PKHD1L1: variants seen among roughly 807,000 people sequenced by gnomAD.
PKHD1L1 encodes PKHD1 like 1.
PKHD1L1 carries 434 observed loss-of-function variants against 462.9 expected under a neutral mutation model. The ratio of observed to expected loss-of-function variants is 0.94; its 90% CI spans 0.87 to 1.02. The LOEUF (loss-of-function observed/expected upper bound fraction) is 1.02. PKHD1L1 is among the 50% of genes least tolerant of loss of function. The pLI is 0.00. For synonymous variants in PKHD1L1, 1,781 were observed against 1,750.0 expected (o/e 1.02, Z -0.44); for missense variants, 5,202 against 5,096.1 (o/e 1.02, Z -0.63).
At chr8:109,498,069 T>G (rs1484803130) in intron 65 of PKHD1L1, among the ~76,000 whole-genome samples, 1 of 151,718 alleles carries the variant, frequency 6.6e-6, no homozygotes, top group African/African-American at 2.4e-5. Flanking sequence ...AATTTAGTAC[T>G]ATTCATTATC....
intron 47 of PKHD1L1, 70 bp from the exon 48 acceptor site, chr8:109,461,702 T>C: frequency 6.7e-7 from 1 of 1,481,820 alleles, no homozygotes. Flanking sequence ...TACACTTAGT[T>C]ATGAGAAAAT....
chr8:109,477,148 C>A, intron 52 of PKHD1L1, 77 bp from the exon 53 acceptor site: 2 of 1,483,436 alleles, frequency 1.3e-6, no homozygotes, highest in Non-Finnish European at 1.8e-6. Context: ...GAACATTTTC[C>A]AAAATTCCAT....
At chr8:109,394,170 CAAAAAAA>C (rs146708536) in intron 9 of PKHD1L1, among the ~76,000 whole-genome samples, 79 of 63,708 alleles carry the variant, frequency 1.2e-3, no homozygotes, top group South Asian at 2.7e-3. Flanking sequence ...GAGACTCTGT[CAAAAAAA>C]AAAAAAAAAA....
intron 76 of PKHD1L1, 58 bp downstream of exon 76, chr8:109,523,444 G>A (rs567799445): frequency 5.5e-5 from 80 of 1,450,956 alleles, no homozygotes; most frequent in Admixed American, 4.0e-4. Flanking sequence ...CAATTATAAT[G>A]TTCTTTTAAT....
At chr8:109,526,387 C>T (rs1463210905) in intron 76 of PKHD1L1, among the ~76,000 whole-genome samples, 1 of 152,194 alleles carries the variant, frequency 6.6e-6, no homozygotes, top group Non-Finnish European at 1.5e-5. Context: ...CCACCTCCCC[C>T]AACTGAGACT....
chr8:109,483,391 AT>A (rs1355843008), intron 57 of PKHD1L1, among the ~76,000 whole-genome samples: 1 of 149,632 alleles, frequency 6.7e-6, no homozygotes, highest in African/African-American at 2.4e-5. Flanking sequence ...ATGTATATAT[AT>A]TTTATGACAT....
chr8:109,507,343 C>T (rs1783154), intron 68 of PKHD1L1, among the ~76,000 whole-genome samples: 59,389 of 151,898 alleles, frequency 0.39, 11,809 homozygotes, highest in South Asian at 0.57. Context: ...TGTTAGTATG[C>T]TGTGAACAAT....
In PKHD1L1 at chr8:109,425,101, C is replaced by T; in HGVS notation, c.2714C>T (p.Thr905Ile). 6.3e-7 allele frequency: 1 copy of T among 1,584,900 alleles called. No individual in the cohort carries two copies. The highest frequency in any genetic ancestry group is 8.6e-7 in the Non-Finnish European group (1 of 1,168,876). Residue 905 changes from threonine (T) to isoleucine (I), a missense_variant, in exon 24 of 78, where the codon ACA (threonine) becomes ATA (isoleucine). Transcript: ENST00000378402. Reference protein sequence around the residue: ...VSFGQIITHETENEFVYRGNN... With the variant: ...VSFGQIITHEIENEFVYRGNN... ...GGAAATTAGATAATCACACATGAGA[C>T]AGAGAACGAGTTTGTCTACAGAGGA...
intron 20 of PKHD1L1, among the ~76,000 whole-genome samples, 166 bp downstream of exon 20, chr8:109,412,580 G>T (rs1038354943): frequency 6.6e-6 from 1 of 151,782 alleles, no homozygotes; most frequent in Non-Finnish European, 1.5e-5. Context: ...CTCTTCTGAG[G>T]ATTCTCAAAA....
intron 8 of PKHD1L1, among the ~76,000 whole-genome samples, chr8:109,389,767 A>G (rs1033451029): frequency 1.3e-5 from 2 of 151,998 alleles, no homozygotes; most frequent in Admixed American, 1.3e-4. Context: ...ACTTCGGGTG[A>G]TCCGCCCGCC....
At position 109,491,898 on chromosome 8, in the gene PKHD1L1, C is replaced by T. The variant is rs773908905; in HGVS notation, c.10140C>T (p.Asn3380=). The T allele has an allele frequency of 4.4e-6, 7 of 1,603,800 alleles. No individual in the cohort carries two copies. The Admixed American group carries it at 8.4e-5, about 19-fold the overall frequency. Residue 3380 remains asparagine (N), a synonymous_variant, in exon 62 of 78, where the codon AAC becomes AAT. Coordinates refer to ENST00000378402, the MANE Select transcript of PKHD1L1 (RefSeq NM_177531.6). ...GEGIRIWGNA[N]RVRGNLIALS... is the part of the protein sequence containing the mutation. ...GCATAAGAATATGGGGGAATGCCAA[C>T]CGAGTCCGAGGGAATTTGATTGCAC...
chr8:109,387,727 A>G (rs1812508222), intron 6 of PKHD1L1, among the ~76,000 whole-genome samples: 2 of 152,194 alleles, frequency 1.3e-5, no homozygotes, highest in African/African-American at 4.8e-5. Flanking sequence ...TTATGTGTAA[A>G]AGTATATTAA....
chr8:109,443,773 A>G lies in PKHD1L1; in HGVS notation c.4662A>G (p.Lys1554=), dbSNP rs1199240740. 2.5e-6 allele frequency: 4 copies of G among 1,613,782 alleles called. No individual in the cohort carries two copies. Among genetic ancestry groups the G allele is most frequent in the Non-Finnish European group, 3.4e-6 (4 of 1,179,804 alleles). Residue 1554 remains lysine, a synonymous_variant, in exon 37 of 78, where the codon AAA becomes AAG. Coordinates refer to ENST00000378402, the MANE Select transcript of PKHD1L1 (RefSeq NM_177531.6). ...ACAATACCAGGGTTAAAAATTCAAA[A>G]AGATTGCTATTTGAGGTTTCAAGTT... ...SLNNTRVKNS[K]RLLFEVSSCF...
chr8:109,493,232 T>C (rs989811837), intron 62 of PKHD1L1, among the ~76,000 whole-genome samples: 5 of 148,338 alleles, frequency 3.4e-5, no homozygotes, highest in Admixed American at 2.7e-4. Flanking sequence ...TAAATATATA[T>C]TTATATTAAA....
rs1422282105 is a variant in PKHD1L1, at chr8:109,404,629, T to C, written c.1449T>C (p.Asn483=). ...FVDVGLYQYR[N]VYTEQQTGDA... ...ATGTTGGACTGTACCAGTATCGAAATGTTTATACTGAACAACAAACAGGAG... is the reference window on the plus strand; with the variant it reads ...ATGTTGGACTGTACCAGTATCGAAACGTTTATACTGAACAACAAACAGGAG... Residue 483 remains asparagine, a synonymous_variant, in exon 15 of 78, where the codon AAT becomes AAC. Transcript: ENST00000378402. 1 of 1,608,410 alleles carries C rather than the reference T, an allele frequency of 6.2e-7. No homozygotes were observed. Among genetic ancestry groups the C allele is most frequent in the Admixed American group, 1.7e-5 (1 of 59,128 alleles).
intron 50 of PKHD1L1, chr8:109,470,905 A>G (rs1817681276): frequency 3.8e-6 from 6 of 1,578,844 alleles, no homozygotes; most frequent in Non-Finnish European, 4.3e-6. Flanking sequence ...GAGGATGGGA[A>G]GCCTGGGGAG....
intron 2 of PKHD1L1, 132 bp downstream of exon 2, chr8:109,364,768 A>G: frequency 6.2e-6 from 4 of 649,140 alleles, no homozygotes; most frequent in Non-Finnish European, 1.0e-5. Flanking sequence ...CCAGAATAGT[A>G]AAACTCTGTC....
At chr8:109,491,497 ATAT>A (rs1369114275) in intron 61 of PKHD1L1, among the ~76,000 whole-genome samples, 1 of 151,822 alleles carries the variant, frequency 6.6e-6, no homozygotes, top group East Asian at 1.9e-4. Context: ...TCAATCACAA[ATAT>A]TATTACAAAT....
intron 21 of PKHD1L1, among the ~76,000 whole-genome samples, chr8:109,418,469 C>A (rs1814297642): frequency 6.6e-6 from 1 of 152,014 alleles, no homozygotes. Flanking sequence ...AATGGAAATA[C>A]TTATATATGT....
Sources: allele counts gnomAD v4.1 joint callset (sites outside exome capture counted in the v4.1 genomes callset), GRCh38; gene constraint gnomAD v4.1.1; transcripts MANE v1.5; gene names NCBI Gene and HGNC (gene_info 2026-07-23, HGNC 2026-07-21).